Variants in HS1BP3 observed in about 807,000 individuals in gnomAD.
HS1BP3 encodes HCLS1 binding protein 3.
A neutral mutation model predicts 33.5 loss-of-function variants in HS1BP3; 32 were observed. The ratio of observed to expected loss-of-function variants is 0.95; its 90% CI spans 0.72 to 1.28. HS1BP3 has a LOEUF of 1.28. Among genes scored for constraint, HS1BP3 ranks in the 50% most tolerant of loss-of-function variants. The pLI is 0.00. For missense variants in HS1BP3, 486 were observed against 502.3 expected, an observed-to-expected ratio of 0.97 and a Z score of 0.31; for synonymous variants, 187 against 209.2, an observed-to-expected ratio of 0.89 and a Z score of 0.92.
At chr2:20,580,969 GCC>G (rs1280475729) in intron 5 of HS1BP3, among the ~76,000 whole-genome samples, 6 of 152,340 alleles carry the variant, frequency 3.9e-5, no homozygotes, top group Admixed American at 3.3e-4. Flanking sequence ...TGAAGGCACA[GCC>G]CCAGGTTAGT....
intron 3 of HS1BP3, 25 bp downstream of exon 3, chr2:20,640,948 G>A: frequency 1.2e-6 from 2 of 1,611,526 alleles, no homozygotes; most frequent in Non-Finnish European, 1.7e-6. Context: ...GAGACCTGAG[G>A]GACATGGGGC....
chr2:20,597,788 G>T (rs572506787), intron 3 of HS1BP3, among the ~76,000 whole-genome samples: 1 of 152,306 alleles, frequency 6.6e-6, no homozygotes, highest in East Asian at 1.9e-4. Context: ...CATAGAATGG[G>T]ACTAGGAGGA....
At chr2:20,575,518 T>G (rs949162791) in intron 5 of HS1BP3, among the ~76,000 whole-genome samples, 5 of 152,226 alleles carry the variant, frequency 3.3e-5, no homozygotes, top group African/African-American at 1.2e-4. Context: ...CCAGCCACAC[T>G]CTGCCCACAT....
chr2:20,644,374 G>A (rs1358416696), intron 2 of HS1BP3, among the ~76,000 whole-genome samples: 1 of 151,996 alleles, frequency 6.6e-6, no homozygotes, highest in African/African-American at 2.4e-5. Flanking sequence ...TTCCACTTCT[G>A]TTCTCTGGGC....
chr2:20,624,495 C>T (rs1694708275), intron 5 of HS1BP3, among the ~76,000 whole-genome samples: 1 of 152,206 alleles, frequency 6.6e-6, no homozygotes, highest in Non-Finnish European at 1.5e-5. Context: ...TCCAAACCTA[C>T]AGTCACACAT....
intron 6 of HS1BP3, among the ~76,000 whole-genome samples, chr2:20,619,707 C>T (rs140752819): frequency 5.8e-4 from 89 of 152,360 alleles, no homozygotes; most frequent in African/African-American, 1.8e-3. Context: ...CAGATGAGGA[C>T]GCTGGAGTCC....
downstream of HS1BP3, among the ~76,000 whole-genome samples, chr2:20,588,468 A>AC (rs1693734005): frequency 6.6e-6 from 1 of 151,608 alleles, no homozygotes; most frequent in Admixed American, 6.6e-5. Flanking sequence ...GGCACCAGCC[A>AC]CCACGCCTGG....
chr2:20,619,358 C>T lies in HS1BP3; in HGVS notation c.921-113G>A, dbSNP rs533607839. ...GGCTGGGCAGCGGCAGGGAGCCCAG[C>T]CTCGGCCAGGTCAAGGCCCCGCCCT... is the stretch of plus-strand genomic sequence containing the variant. On this transcript the variant is annotated intron_variant, in intron 6 of 6. Transcript: ENST00000304031. 312 of 951,854 alleles carry T rather than the reference C, an allele frequency of 3.3e-4. 2 individuals are homozygous for T. The South Asian group carries it at 3.9e-3, about 12-fold the overall frequency. The allele number at this position is 951,854 out of a possible 1,614,324, so 59.0% of individuals were successfully genotyped here. A position where few individuals can be genotyped will look rare whatever the true frequency, so the allele number is the denominator to read the frequency against.
intron 5 of HS1BP3, among the ~76,000 whole-genome samples, chr2:20,561,508 T>C (rs1325575538): frequency 2.6e-5 from 4 of 152,174 alleles, no homozygotes; most frequent in African/African-American, 9.7e-5. Flanking sequence ...ACAATGTCTC[T>C]GTTGGCTTCC....
intron 5 of HS1BP3, among the ~76,000 whole-genome samples, chr2:20,575,942 T>C (rs921311047): frequency 1.3e-5 from 2 of 152,200 alleles, no homozygotes; most frequent in African/African-American, 4.8e-5. Flanking sequence ...GGAAGGGGAC[T>C]GGGGAGGGGG....
downstream of HS1BP3, among the ~76,000 whole-genome samples, chr2:20,587,725 G>A (rs559053479): frequency 2.4e-4 from 36 of 151,800 alleles, no homozygotes; most frequent in South Asian, 6.2e-3. Context: ...CAGCCTGGGC[G>A]ACAGAGCGAG....
chr2:20,561,588 T>TA (rs1165769571), intron 5 of HS1BP3, among the ~76,000 whole-genome samples: 2 of 152,052 alleles, frequency 1.3e-5, no homozygotes, highest in African/African-American at 2.4e-5. Context: ...CCTCCACACA[T>TA]ATGCATATGC....
At chr2:20,554,497 C>T in the HS1BP3 span, among the ~76,000 whole-genome samples, 25 of 152,144 alleles carry the variant, frequency 1.6e-4, no homozygotes, top group South Asian at 6.2e-4. Flanking sequence ...CCGAGGCCGG[C>T]GGATCACCTG....
At chr2:20,626,207 G>T (rs879272974) in intron 4 of HS1BP3, among the ~76,000 whole-genome samples, 8 of 152,182 alleles carry the variant, frequency 5.3e-5, no homozygotes, top group Non-Finnish European at 1.0e-4. Flanking sequence ...TCCCCGCAAG[G>T]TGACCATTCC....
chr2:20,626,862 C>T (rs942876150), intron 4 of HS1BP3, among the ~76,000 whole-genome samples: 3 of 152,206 alleles, frequency 2.0e-5, no homozygotes, highest in African/African-American at 7.2e-5. Flanking sequence ...CTCGCCTGCT[C>T]TTACTCAGAC....
downstream of HS1BP3, among the ~76,000 whole-genome samples, chr2:20,613,152 C>T (rs970480110): frequency 1.3e-5 from 2 of 152,176 alleles, no homozygotes; most frequent in African/African-American, 2.4e-5. Context: ...AAAAACATTG[C>T]CCTCTGGGAC....
chr2:20,573,473 C>A (rs1693324292), intron 5 of HS1BP3, among the ~76,000 whole-genome samples: 1 of 152,184 alleles, frequency 6.6e-6, no homozygotes. Context: ...GCTTTTAATC[C>A]TGAGGATCAC....
intron 5 of HS1BP3, among the ~76,000 whole-genome samples, chr2:20,585,029 T>C (rs543489259): frequency 6.6e-6 from 1 of 152,240 alleles, no homozygotes; most frequent in South Asian, 2.1e-4. Flanking sequence ...TGCAGTGACC[T>C]TGGGAAAGGT....
At position 20,649,365 on chromosome 2, in the gene HS1BP3, G is replaced by A. The variant is rs117494358; in HGVS notation, c.32+1667C>T. ...GCTCTCTCCCTCATGGAGCTTGTCCGGGATCTGTCCAGGCGCCACTCCATC... is the reference window on the plus strand; with the variant it reads ...GCTCTCTCCCTCATGGAGCTTGTCCAGGATCTGTCCAGGCGCCACTCCATC... On this transcript the variant is annotated intron_variant, in intron 1 of 6. Coordinates refer to ENST00000304031, the MANE Select transcript of HS1BP3 (RefSeq NM_022460.4). Among the ~76,000 whole-genome samples the A allele has an allele frequency of 3.5e-3, 538 of 152,270 alleles. 11 individuals are homozygous for A. The highest frequency in any genetic ancestry group is 6.6e-3 in the East Asian group (34 of 5,176).
Sources: allele counts gnomAD v4.1 joint callset (sites outside exome capture counted in the v4.1 genomes callset), GRCh38; gene constraint gnomAD v4.1.1; transcripts MANE v1.5; gene names NCBI Gene and HGNC (gene_info 2026-07-23, HGNC 2026-07-21).